The following SPTLC3 variants were observed in gnomAD, a reference collection of about 807,000 sequenced individuals.
SPTLC3 encodes serine palmitoyltransferase long chain base subunit 3, also known as serine palmitoyltransferase 3.
A neutral mutation model predicts 59.3 loss-of-function variants in SPTLC3; 36 were observed. The ratio of observed to expected loss-of-function variants is 0.61; its 90% CI spans 0.47 to 0.80. The LOEUF (loss-of-function observed/expected upper bound fraction) is 0.80, where lower values mean the gene tolerates loss of function less well. Among genes scored for constraint, SPTLC3 ranks in the 30% least tolerant of loss-of-function variants. The pLI is 0.00. For missense variants in SPTLC3, 625 were observed against 685.1 expected, an observed-to-expected ratio of 0.91 and a Z score of 0.98; for synonymous variants, 257 against 240.8, an observed-to-expected ratio of 1.07 and a Z score of -0.62.
intron 1 of SPTLC3, among the ~76,000 whole-genome samples, chr20:13,017,019 A>G (rs1985560082): frequency 6.6e-6 from 1 of 152,168 alleles, no homozygotes; most frequent in Non-Finnish European, 1.5e-5. Context: ...GTTCAATCCT[A>G]GAACCTAAGT....
At chr20:13,116,312 C>A (rs1174862527) in intron 7 of SPTLC3, among the ~76,000 whole-genome samples, 1 of 152,172 alleles carries the variant, frequency 6.6e-6, no homozygotes, top group Admixed American at 6.5e-5. Flanking sequence ...TTGAACTAAC[C>A]TAAACGGTTG....
intron 6 of SPTLC3, among the ~76,000 whole-genome samples, chr20:13,098,700 G>T (rs1267390619): frequency 1.3e-5 from 2 of 152,114 alleles, no homozygotes; most frequent in African/African-American, 4.8e-5. Flanking sequence ...AACATTTATT[G>T]AGAAAGTCCT....
chr20:13,105,163 C>A (rs921878848), intron 6 of SPTLC3, among the ~76,000 whole-genome samples: 1 of 152,118 alleles, frequency 6.6e-6, no homozygotes, highest in African/African-American at 2.4e-5. Flanking sequence ...GAGGAACATG[C>A]CAGGGGCTAA....
intron 7 of SPTLC3, among the ~76,000 whole-genome samples, chr20:13,116,816 A>G (rs1458992443): frequency 6.6e-6 from 1 of 152,190 alleles, no homozygotes; most frequent in Non-Finnish European, 1.5e-5. Context: ...CAGCCCACCC[A>G]ATACCGACTG....
intron 9 of SPTLC3, among the ~76,000 whole-genome samples, chr20:13,140,158 T>G (rs1227333962): frequency 6.6e-6 from 1 of 152,150 alleles, no homozygotes; most frequent in Non-Finnish European, 1.5e-5. Flanking sequence ...ATTTTGGAAA[T>G]AGTAGCATAC....
At chr20:13,117,470 A>G in intron 7 of SPTLC3, 36 bp from the exon 8 acceptor site, 2 of 1,526,412 alleles carry the variant, frequency 1.3e-6, no homozygotes, top group Non-Finnish European at 1.8e-6. Flanking sequence ...CCAGGAGGGT[A>G]TTTGTTAGTT....
intron 1 of SPTLC3, among the ~76,000 whole-genome samples, chr20:13,010,105 G>A (rs901843128): frequency 4.0e-5 from 6 of 151,588 alleles, no homozygotes; most frequent in South Asian, 2.1e-4. Flanking sequence ...GGAGGAACTC[G>A]AGGAAAGTTG....
chr20:13,137,114 T>C (rs1302925570), intron 9 of SPTLC3, among the ~76,000 whole-genome samples: 1 of 152,150 alleles, frequency 6.6e-6, no homozygotes, highest in African/African-American at 2.4e-5. Context: ...TCCTCTTCAA[T>C]CTGGGCTTCC....
chr20:13,047,786 A>G (rs889182779), intron 1 of SPTLC3, among the ~76,000 whole-genome samples: 1 of 152,128 alleles, frequency 6.6e-6, no homozygotes, highest in Non-Finnish European at 1.5e-5. Flanking sequence ...TCAGACATAC[A>G]GAAGAGTAGA....
intron 5 of SPTLC3, 86 bp downstream of exon 5, chr20:13,091,293 A>G: frequency 1.3e-6 from 2 of 1,528,530 alleles, no homozygotes; most frequent in Non-Finnish European, 1.8e-6. Context: ...AGTATGGCTG[A>G]GATGGGCACG....
At chr20:13,096,004 A>G (rs1989399227) in intron 6 of SPTLC3, among the ~76,000 whole-genome samples, 1 of 152,150 alleles carries the variant, frequency 6.6e-6, no homozygotes, top group Non-Finnish European at 1.5e-5. Context: ...TATGCATGCA[A>G]GTTACTGTAT....
intron 2 of SPTLC3, among the ~76,000 whole-genome samples, chr20:13,057,228 T>G (rs1354932718): frequency 6.6e-6 from 1 of 152,112 alleles, no homozygotes; most frequent in African/African-American, 2.4e-5. Flanking sequence ...TTCCTAGGAG[T>G]GCAGAATACA....
At chr20:13,058,028 A>G (rs1429885484) in intron 2 of SPTLC3, among the ~76,000 whole-genome samples, 1 of 152,208 alleles carries the variant, frequency 6.6e-6, no homozygotes, top group South Asian at 2.1e-4. Context: ...CATGGCACCA[A>G]TGGTAATTCT....
At chr20:13,060,713 C>T (rs980542647) in intron 2 of SPTLC3, among the ~76,000 whole-genome samples, 2 of 141,514 alleles carry the variant, frequency 1.4e-5, no homozygotes, top group Non-Finnish European at 3.0e-5. Context: ...ATTTGACTTT[C>T]TGTGTGTGAG....
At chr20:13,108,343 T>C (rs1406830913) in intron 6 of SPTLC3, among the ~76,000 whole-genome samples, 1 of 152,194 alleles carries the variant, frequency 6.6e-6, no homozygotes, top group Non-Finnish European at 1.5e-5. Flanking sequence ...AGTTGCAGTG[T>C]GGAAAAGTTA....
At chr20:13,015,737 C>A (rs1985494778) in intron 1 of SPTLC3, among the ~76,000 whole-genome samples, 1 of 152,026 alleles carries the variant, frequency 6.6e-6, no homozygotes, top group Non-Finnish European at 1.5e-5. Context: ...ACTAGTAAAT[C>A]ATGTTGCTCA....
rs545620841 is a variant in SPTLC3, at chr20:13,017,315, C to T, written c.117+7931C>T. On this transcript the variant is annotated intron_variant, in intron 1 of 11. Transcript: ENST00000399002. Reference sequence around the variant, plus strand: ...GTGAACCTGTCACCTCCATGCCTCACTTTGAACAACTCTAAGCTAAAGAAA... The same window carrying T: ...GTGAACCTGTCACCTCCATGCCTCATTTTGAACAACTCTAAGCTAAAGAAA... 3.3e-5 allele frequency among the ~76,000 whole-genome samples: 5 copies of T among 152,292 alleles called. No homozygotes were observed. In the East Asian group the frequency reaches 9.6e-4, roughly 29 times the overall value.
intron 2 of SPTLC3, among the ~76,000 whole-genome samples, chr20:13,070,599 G>T (rs1042944514): frequency 1.8e-4 from 28 of 152,148 alleles, no homozygotes; most frequent in Non-Finnish European, 4.4e-5. Context: ...GAATGAGAAG[G>T]CTCACTCCCA....
intron 11 of SPTLC3, among the ~76,000 whole-genome samples, chr20:13,160,504 A>G (rs905411888): frequency 6.6e-6 from 1 of 152,234 alleles, no homozygotes; most frequent in African/African-American, 2.4e-5. Flanking sequence ...CTGCCATAAT[A>G]AAATATGACC....
Sources: gnomAD v4.1 joint callset for allele counts (sites outside exome capture counted in the v4.1 genomes callset) on GRCh38, gnomAD v4.1.1 for gene constraint, MANE v1.5 for transcripts, NCBI Gene and HGNC (gene_info 2026-07-23, HGNC 2026-07-21) for gene names.